The following TTBK1 variants were observed in gnomAD, a reference collection of about 807,000 sequenced individuals.
The protein encoded by TTBK1 is tau tubulin kinase 1.
A neutral mutation model predicts 108.5 loss-of-function variants in TTBK1; 34 were observed. The ratio of observed to expected loss-of-function variants is 0.31; its 90% CI spans 0.24 to 0.42. The LOEUF is 0.42. TTBK1 is among the 10% of genes least tolerant of loss of function. TTBK1 has a pLI of 1.00. For synonymous variants in TTBK1, 809 were observed against 795.1 expected, an observed-to-expected ratio of 1.02 and a Z score of -0.29; for missense variants, 1,539 against 1,826.0, an observed-to-expected ratio of 0.84 and a Z score of 2.86.
chr6:43,269,644 TGGA>T lies in TTBK1; in HGVS notation c.1986+6301_1986+6303del. 1 of 1,608,722 alleles carries T rather than the reference TGGA, an allele frequency of 6.2e-7. No individual in the cohort carries two copies. The highest frequency in any genetic ancestry group is 8.5e-7 in the Non-Finnish European group (1 of 1,177,620). On this transcript the variant is annotated intron_variant, in intron 13 of 14. Coordinates refer to ENST00000259750, the MANE Select transcript of TTBK1 (RefSeq NM_032538.3). This position sits in a 1 kb window ranked among gnomAD's most constrained non-coding sequence, Gnocchi z 4.8. ...CTCCACTTTCTTGGTCTCTTTCAGT[TGGA>T]GGAGGACAGACTCTCGGGGCACTCC... is the stretch of plus-strand genomic sequence containing the variant.
chr6:43,256,760 CAATT>C (rs77043703), intron 9 of TTBK1, among the ~76,000 whole-genome samples: 35,580 of 151,788 alleles, frequency 0.23, 4,306 homozygotes, highest in East Asian at 0.36. Context: ...TAAACAAAAA[CAATT>C]AATGAAGCCA....
chr6:43,259,611 A>G lies in TTBK1; in HGVS notation c.1329A>G (p.Thr443=). Residue 443 remains threonine (T), a synonymous_variant, in exon 12 of 15, where the codon ACA becomes ACG. Transcript: ENST00000259750. The surrounding 1 kb of genome is among the most constrained non-coding windows in gnomAD (Gnocchi z 6.7). ...SPVRAPPDSP[T]TPVRSLRYRR... ...TGCGTGCCCCCCCAGACTCCCCCAC[A>G]ACCCCAGTCCGTTCTCTGCGCTACC... The G allele has an allele frequency of 6.2e-7, 1 of 1,611,972 alleles. No homozygotes were observed. The highest frequency in any genetic ancestry group is 2.2e-5 in the East Asian group (1 of 44,814).
Position 43,282,958 on chromosome 6 carries a change from G to A in TTBK1, c.2218G>A (p.Glu740Lys), listed in dbSNP as rs778392063. ...GAAGGAGGAAGAGGAGGAGGAGGAGGAAGATGAGGAAGAGGAAGAAGAGGA... is the reference window on the plus strand; with the variant it reads ...GAAGGAGGAAGAGGAGGAGGAGGAGAAAGATGAGGAAGAGGAAGAAGAGGA... ...NGKEEEEEEE[E>K]DEEEEEEDEE... Residue 740 changes from glutamate to lysine, a missense_variant, in exon 14 of 15, where the codon GAA becomes AAA. Glu to Lys is a moderately conservative substitution (Grantham distance 56). This residue lies in a region of TTBK1 where 1,055 missense variants were observed against 1,086.5 expected (regional missense o/e 0.97). Transcript: ENST00000259750. This position sits in a 1 kb window ranked among gnomAD's most constrained non-coding sequence, Gnocchi z 5.4. 6 of 1,607,998 alleles carry A rather than the reference G, an allele frequency of 3.7e-6. No homozygotes were observed. The East Asian group carries it at 1.3e-4, about 36-fold the overall frequency.
Position 43,259,108 on chromosome 6 carries a change from C to T in TTBK1, c.1087C>T (p.His363Tyr), listed in dbSNP as rs867826042. 1 of 1,614,132 alleles carries T rather than the reference C, an allele frequency of 6.2e-7. No individual in the cohort carries two copies. The highest frequency in any genetic ancestry group is 8.5e-7 in the Non-Finnish European group (1 of 1,179,986). Residue 363 changes from histidine to tyrosine, a missense_variant, in exon 11 of 15, where the codon CAC (histidine) becomes TAC (tyrosine). By Grantham distance (83) the His-to-Tyr change is moderately conservative. Transcript: ENST00000259750. This position sits in a 1 kb window ranked among gnomAD's most constrained non-coding sequence, Gnocchi z 6.7. ...CACCGAGGATGTGCTACAGGGAGAG[C>T]ACCTGAGTGACCAGGAGAATGCACC... ...ENTEDVLQGE[H>Y]LSDQENAPPI... is the part of the protein sequence containing the mutation.
In TTBK1 at chr6:43,253,021, A is replaced by C; in HGVS notation, c.256+135A>C. 1 of 1,169,418 alleles carries C rather than the reference A, an allele frequency of 8.6e-7. No individual in the cohort carries two copies. Among genetic ancestry groups the C allele is most frequent in the African/African-American group, 1.5e-5 (1 of 65,562 alleles). The allele number at this position is 1,169,418 out of a possible 1,614,324, so 72.4% of individuals were successfully genotyped here. On this transcript the variant is annotated intron_variant, in intron 3 of 14. Transcript: ENST00000259750. This position sits in a 1 kb window ranked among gnomAD's most constrained non-coding sequence, Gnocchi z 5.8. ...GGAAAAGGGGATGGAGCCAGGAGCT[A>C]AGGGGGAGGTGACGGAGCCAGAGTC...
At position 43,265,841 on chromosome 6, in the gene TTBK1, A is replaced by G. The variant is rs933291342; in HGVS notation, c.1986+2491A>G. 3.3e-5 allele frequency among the ~76,000 whole-genome samples: 5 copies of G among 152,156 alleles called. No homozygotes were observed. The highest frequency in any genetic ancestry group is 1.2e-4 in the African/African-American group (5 of 41,422). On this transcript the variant is annotated intron_variant, in intron 13 of 14. Transcript: ENST00000259750. This position sits in a 1 kb window ranked among gnomAD's most constrained non-coding sequence, Gnocchi z 4.1. ...CCTTCCCAGTGACTGAGGGCCAGTC[A>G]GTGTCCCTTTCTGGGTCTCCAGGTG... is the stretch of plus-strand genomic sequence containing the variant.
rs1301315720 is a variant in TTBK1 at position 43,269,725 on chromosome 6, C to A, written c.1986+6375C>A. On this transcript the variant is annotated intron_variant, in intron 13 of 14. Transcript: ENST00000259750. This position sits in a 1 kb window ranked among gnomAD's most constrained non-coding sequence, Gnocchi z 4.8. ...CTGGCGTCCTCCGTGTTCTCCTCCT[C>A]CACGCTGGAGACGGAGCATTACCCT... The A allele has an allele frequency of 6.2e-7, 1 of 1,609,954 alleles. No homozygotes were observed. The highest frequency in any genetic ancestry group is 1.1e-5 in the South Asian group (1 of 91,030).
At position 43,270,375 on chromosome 6, in the gene TTBK1, C is replaced by T. The variant is rs76921756; in HGVS notation, c.1986+7025C>T. ...TCTTGGCATGGCTGGGTCTGATCCA[C>T]CCCGAGGGGCTGGCGGGAGGCCAAG... On this transcript the variant is annotated intron_variant, in intron 13 of 14. Transcript: ENST00000259750. 1.6e-3 allele frequency: 1,579 copies of T among 1,004,488 alleles called. 13 individuals carry two copies. The African/African-American group carries it at 0.026, about 16-fold the overall frequency. The allele number at this position is 1,004,488 out of a possible 1,614,324, so 62.2% of individuals were successfully genotyped here.
At position 43,284,034 on chromosome 6, in the gene TTBK1, G is replaced by A. The variant is rs772053706; in HGVS notation, c.3294G>A (p.Gln1098=). 1 of 1,559,776 alleles carries A rather than the reference G, an allele frequency of 6.4e-7. No homozygotes were observed. Among genetic ancestry groups the A allele is most frequent in the Non-Finnish European group, 8.7e-7 (1 of 1,151,200 alleles). The part of the protein sequence containing the change: ...DLARLVMEKR[Q]GRLLLRLASG... ...CGCGGCTGGTGATGGAGAAGAGGCA[G>A]GGCCGCCTGCTGTTGCGGCTGGCCT... The change falls in exon 14 of 15, where the codon CAG becomes CAA. Residue 1098 remains glutamine (Q), a synonymous_variant. Coordinates refer to ENST00000259750, the MANE Select transcript of TTBK1 (RefSeq NM_032538.3).
rs957209827 is a variant in TTBK1 at position 43,284,248 on chromosome 6, G to A, written c.3508G>A (p.Ala1170Thr). 1.3e-6 allele frequency: 2 copies of A among 1,595,414 alleles called. No individual in the cohort carries two copies. The highest frequency in any genetic ancestry group is 1.7e-6 in the Non-Finnish European group (2 of 1,177,458). Residue 1170 changes from alanine (A) to threonine (T), a missense_variant, in exon 14 of 15, where the codon GCC (alanine) becomes ACC (threonine). By Grantham distance (58) the Ala-to-Thr change is moderately conservative. Around this residue, in one of 5 missense-constraint regions of TTBK1, gnomAD observed 1,055 missense variants for 1,086.5 expected, o/e 0.97. Transcript: ENST00000259750. ...CCTCCGCATGCCCATGCCTGTTGCAGCCCAGCAGCCCGCCAGCAGATCCCA... is the reference window on the plus strand; with the variant it reads ...CCTCCGCATGCCCATGCCTGTTGCAACCCAGCAGCCCGCCAGCAGATCCCA... ...IGLRMPMPVA[A>T]QQPASRSHGA...
In TTBK1 at chr6:43,283,764, G is replaced by T; in HGVS notation, c.3024G>T (p.Glu1008Asp). The T allele has an allele frequency of 1.2e-6, 2 of 1,613,704 alleles. No individual in the cohort carries two copies. The highest frequency in any genetic ancestry group is 1.7e-6 in the Non-Finnish European group (2 of 1,179,850). Residue 1008 changes from glutamate to aspartate, a missense_variant, in exon 14 of 15, where the codon GAG becomes GAT. By Grantham distance (45) the Glu-to-Asp change is conservative. Transcript: ENST00000259750. The surrounding 1 kb of genome is among the most constrained non-coding windows in gnomAD (Gnocchi z 8.1). Reference protein sequence around the residue: ...LSGAPRETPSEMATNSLPNGP... With the variant: ...LSGAPRETPSDMATNSLPNGP... ...GGGCCCCCCGGGAAACCCCCTCAGA[G>T]ATGGCCACAAACTCACTGCCCAATG...
chr6:43,270,153 C>T, intron 13 of TTBK1: 1 of 1,364,988 alleles, frequency 7.3e-7, no homozygotes, highest in South Asian at 1.9e-5. Flanking sequence ...ACCTCCCCAT[C>T]AGCTCCCTTT....
intron 7 of TTBK1, 57 bp from the exon 8 acceptor site, chr6:43,255,495 G>C (rs371173341): frequency 6.7e-7 from 1 of 1,484,180 alleles, no homozygotes; most frequent in Non-Finnish European, 9.2e-7. Context: ...AGGGTCAGCC[G>C]CCCATTCCCA....
intron 3 of TTBK1, 80 bp downstream of exon 3, chr6:43,252,966 G>C (rs1162386913): frequency 6.6e-7 from 1 of 1,526,370 alleles, no homozygotes; most frequent in Non-Finnish European, 8.9e-7. Flanking sequence ...TCAGAAGCTG[G>C]GGTGAGGGAG....
At chr6:43,272,308 C>CCTT in intron 13 of TTBK1, 1 of 985,498 alleles carries the variant, frequency 1.0e-6, no homozygotes, top group East Asian at 1.1e-4. Flanking sequence ...TCTCAGTGAC[C>CCTT]AGAACCCTGA....
rs2150702122 is a variant in TTBK1, at chr6:43,269,681, G to T, written c.1986+6331G>T. The T allele has an allele frequency of 5.0e-6, 8 of 1,611,286 alleles. No individual in the cohort carries two copies. In the East Asian group the frequency reaches 1.8e-4, roughly 36 times the overall value. On this transcript the variant is annotated intron_variant, in intron 13 of 14. Transcript: ENST00000259750. This position sits in a 1 kb window ranked among gnomAD's most constrained non-coding sequence, Gnocchi z 4.8. ...GACTCTCGGGGCACTCCCTCCCGCG[G>T]TACAGCCCCCTGCGACGACTGGCGT...
chr6:43,285,153 C>G lies in TTBK1; in HGVS notation c.3743C>G (p.Ser1248Cys). The change falls in exon 15 of 15, where the codon TCC becomes TGC. Residue 1248 changes from serine to cysteine, a missense_variant. Transcript: ENST00000259750. This position sits in a 1 kb window ranked among gnomAD's most constrained non-coding sequence, Gnocchi z 4.7. ...STSAARNASASPRSQSLSRRE... is the reference protein window; with the variant it reads ...STSAARNASACPRSQSLSRRE... The stretch of plus-strand genomic sequence containing the variant: ...TCCGCCGCGCGCAATGCCAGCGCGT[C>G]CCCCCGGAGCCAGTCCCTGTCCCGC... The G allele has an allele frequency of 7.0e-7, 1 of 1,421,730 alleles. No individual in the cohort carries two copies. The allele number at this position is 1,421,730 out of a possible 1,614,324, so 88.1% of individuals were successfully genotyped here. A position where few individuals can be genotyped will look rare whatever the true frequency, so the allele number is the denominator to read the frequency against.
chr6:43,277,235 C>T (rs893625542), intron 13 of TTBK1, among the ~76,000 whole-genome samples: 1 of 151,894 alleles, frequency 6.6e-6, no homozygotes, highest in African/African-American at 2.4e-5. Context: ...TGGGGGTGGC[C>T]CGCCAAGGAG....
chr6:43,284,591 C>CA (rs1778308402), intron 14 of TTBK1, among the ~76,000 whole-genome samples: 1 of 152,244 alleles, frequency 6.6e-6, no homozygotes, highest in African/African-American at 2.4e-5. Context: ...GGTCCACACA[C>CA]AGCCTCTGGT....
Sources: allele counts gnomAD v4.1 joint callset (sites outside exome capture counted in the v4.1 genomes callset), GRCh38; gene constraint gnomAD v4.1.1; regional missense constraint gnomAD v4.1.1; non-coding constraint Gnocchi (gnomAD v3.1); transcripts MANE v1.5; gene names NCBI Gene and HGNC (gene_info 2026-07-23, HGNC 2026-07-21).